RNF180: variants seen among roughly 807,000 people sequenced by gnomAD.
The protein encoded by RNF180 is E3 ubiquitin-protein ligase RNF180.
In RNF180, 38 loss-of-function variants were observed where a neutral mutation model predicts 59.2. The ratio of observed to expected loss-of-function variants is 0.64; its 90% CI spans 0.50 to 0.84. The LOEUF is 0.84. Among genes scored for constraint, RNF180 ranks in the 40% least tolerant of loss-of-function variants. The pLI, the probability that RNF180 is intolerant of heterozygous loss-of-function variation, is 0.00. For synonymous variants in RNF180, 262 were observed against 240.3 expected (o/e 1.09, Z -0.84); for missense variants, 705 against 700.9 (o/e 1.01, Z -0.07).
At chr5:64,227,202 G>A (rs979055346) in intron 5 of RNF180, among the ~76,000 whole-genome samples, 2 of 152,174 alleles carry the variant, frequency 1.3e-5, no homozygotes, top group African/African-American at 2.4e-5. Context: ...AACAGGCAGC[G>A]GTGGGGCCTG....
intron 5 of RNF180, among the ~76,000 whole-genome samples, chr5:64,324,653 C>A (rs768972704): frequency 6.6e-6 from 1 of 152,212 alleles, no homozygotes; most frequent in Non-Finnish European, 1.5e-5. Flanking sequence ...AGTTTCTTTG[C>A]TTTGCTTTCC....
intron 7 of RNF180, among the ~76,000 whole-genome samples, chr5:64,337,898 T>G (rs1745198649): frequency 2.0e-5 from 3 of 152,190 alleles, no homozygotes; most frequent in Admixed American, 2.0e-4. Flanking sequence ...CTTAATCCAA[T>G]CTATCATTGT....
intron 5 of RNF180, among the ~76,000 whole-genome samples, chr5:64,220,729 A>G (rs1741281795): frequency 6.6e-6 from 1 of 152,098 alleles, no homozygotes; most frequent in Admixed American, 6.5e-5. Context: ...AAATAAAAGA[A>G]AATGTCTCTT....
intron 2 of RNF180, among the ~76,000 whole-genome samples, chr5:64,202,473 T>C (rs895468381): frequency 1.3e-5 from 2 of 152,188 alleles, no homozygotes; most frequent in African/African-American, 4.8e-5. Context: ...TTTGTGGTCA[T>C]GTTTTATTAT....
chr5:64,364,188 T>G (rs1334086882), intron 7 of RNF180, among the ~76,000 whole-genome samples: 1 of 151,882 alleles, frequency 6.6e-6, no homozygotes. Context: ...TTCCAGCTTT[T>G]GCCGATTCAG....
chr5:64,209,131 A>G (rs1752176822), intron 2 of RNF180, among the ~76,000 whole-genome samples: 1 of 152,006 alleles, frequency 6.6e-6, no homozygotes, highest in South Asian at 2.1e-4. Flanking sequence ...CGCTTGTTTC[A>G]GTGTTCTTAT....
chr5:64,166,890 A>C (rs1464044914), intron 1 of RNF180, among the ~76,000 whole-genome samples: 2 of 152,202 alleles, frequency 1.3e-5, no homozygotes, highest in Non-Finnish European at 2.9e-5. Flanking sequence ...TCAAAGATGG[A>C]CGGTCTGATG....
intron 1 of RNF180, among the ~76,000 whole-genome samples, chr5:64,175,364 TTTA>T (rs1750178820): frequency 6.6e-6 from 1 of 152,208 alleles, no homozygotes; most frequent in African/African-American, 2.4e-5. Flanking sequence ...TCCAGTATCA[TTTA>T]TTTAAGAGAC....
At chr5:64,344,798 A>C (rs1745490557) in intron 7 of RNF180, among the ~76,000 whole-genome samples, 1 of 151,622 alleles carries the variant, frequency 6.6e-6, no homozygotes, top group South Asian at 2.1e-4. Context: ...AATAATAGTA[A>C]CCTGTCATAC....
chr5:64,329,006 A>G (rs1214237019), intron 6 of RNF180, among the ~76,000 whole-genome samples: 1 of 152,184 alleles, frequency 6.6e-6, no homozygotes. Context: ...ACCGTTTAAA[A>G]TGAATACCAT....
intron 5 of RNF180, among the ~76,000 whole-genome samples, chr5:64,279,371 C>G (rs1419552767): frequency 6.6e-6 from 1 of 152,116 alleles, no homozygotes; most frequent in Non-Finnish European, 1.5e-5. Context: ...GAACTCTACT[C>G]TGAAGGGAAG....
At chr5:64,267,317 GT>G (rs1005113889) in intron 5 of RNF180, among the ~76,000 whole-genome samples, 2 of 149,998 alleles carry the variant, frequency 1.3e-5, no homozygotes, top group South Asian at 2.1e-4. Context: ...CACTGAAAAA[GT>G]TTTTTTTTCA....
At chr5:64,267,580 C>T (rs903886729) in intron 5 of RNF180, among the ~76,000 whole-genome samples, 12 of 151,580 alleles carry the variant, frequency 7.9e-5, no homozygotes, top group African/African-American at 1.2e-4. Flanking sequence ...TCAATTCCCA[C>T]CTATGAGTGA....
chr5:64,360,666 A>G (rs542235885), intron 7 of RNF180, among the ~76,000 whole-genome samples: 1 of 151,884 alleles, frequency 6.6e-6, no homozygotes, highest in East Asian at 2.0e-4. Flanking sequence ...CAAATTACCA[A>G]TGTCTAGAAC....
rs568126631 is a variant in RNF180, at chr5:64,336,456, G to C, written c.1579+6050G>C. ...AAAACACTCTAATGAATATCCTACTGTGGGCTGTGAATATCTATTTGGTAT... is the reference window on the plus strand; with the variant it reads ...AAAACACTCTAATGAATATCCTACTCTGGGCTGTGAATATCTATTTGGTAT... On this transcript the variant is annotated intron_variant, in intron 7 of 7. Transcript: ENST00000389100. Among the ~76,000 whole-genome samples, 4 of 152,226 alleles carry C rather than the reference G, an allele frequency of 2.6e-5. No individual in the cohort carries two copies. The East Asian group carries it at 7.7e-4, about 29-fold the overall frequency.
At chr5:64,178,883 A>T (rs917672468) in intron 1 of RNF180, among the ~76,000 whole-genome samples, 11 of 152,156 alleles carry the variant, frequency 7.2e-5, no homozygotes, top group African/African-American at 2.4e-4. Flanking sequence ...CTTATTGTGT[A>T]TATGGTCCTC....
chr5:64,173,475 AT>A (rs2111887348), intron 1 of RNF180, among the ~76,000 whole-genome samples: 1 of 152,328 alleles, frequency 6.6e-6, no homozygotes, highest in African/African-American at 2.4e-5. Context: ...TAGTGAGAAC[AT>A]TCAAAATTCT....
At chr5:64,196,852 T>C (rs1029648822) in intron 1 of RNF180, among the ~76,000 whole-genome samples, 6 of 152,164 alleles carry the variant, frequency 3.9e-5, no homozygotes, top group African/African-American at 1.4e-4. Flanking sequence ...TCTTAAAAGA[T>C]TGGTAAAATT....
intron 5 of RNF180, among the ~76,000 whole-genome samples, chr5:64,257,703 G>A (rs1462158091): frequency 6.6e-6 from 1 of 152,104 alleles, no homozygotes; most frequent in African/African-American, 2.4e-5. Flanking sequence ...TTGGTATCAG[G>A]ATGATGCTGG....
Sources: allele counts gnomAD v4.1 joint callset (sites outside exome capture counted in the v4.1 genomes callset), GRCh38; gene constraint gnomAD v4.1.1; transcripts MANE v1.5; gene names NCBI Gene and HGNC (gene_info 2026-07-23, HGNC 2026-07-21).